Variants in SCFD2 observed in about 807,000 individuals in gnomAD.
The protein encoded by SCFD2 is sec1 family domain containing 2.
SCFD2 carries 54 observed loss-of-function variants against 58.9 expected under a neutral mutation model. That is an observed-to-expected ratio of 0.92 (90% CI 0.74 to 1.15). The LOEUF is 1.15. Ranked by LOEUF, SCFD2 falls within the 50% of genes most tolerant of loss-of-function variation. The probability of loss-of-function intolerance (pLI) is 0.00; values close to 1 mark genes in which losing one functional copy is unlikely to be tolerated. For missense variants in SCFD2, 805 were observed against 836.6 expected (o/e 0.96, Z 0.47); for synonymous variants, 321 against 335.9 (o/e 0.96, Z 0.49).
chr4:53,082,840 T>C (rs1378241034), intron 5 of SCFD2, among the ~76,000 whole-genome samples: 4 of 152,184 alleles, frequency 2.6e-5, no homozygotes, highest in African/African-American at 9.6e-5. Context: ...TTGACTTTCC[T>C]GGTTCTAGAG....
intron 3 of SCFD2, among the ~76,000 whole-genome samples, chr4:53,300,367 G>T (rs1732233545): frequency 6.6e-6 from 1 of 152,102 alleles, no homozygotes; most frequent in South Asian, 2.1e-4. Flanking sequence ...ATTACATAAG[G>T]CTAAAGGTAT....
chr4:53,024,624 A>C (rs1049036621), intron 5 of SCFD2, among the ~76,000 whole-genome samples: 12 of 152,192 alleles, frequency 7.9e-5, no homozygotes, highest in African/African-American at 1.2e-4. Flanking sequence ...ATTCTAAAAA[A>C]TAAAAATAAA....
intron 5 of SCFD2, among the ~76,000 whole-genome samples, chr4:52,984,494 T>C (rs2109572168): frequency 6.6e-6 from 1 of 152,324 alleles, no homozygotes; most frequent in South Asian, 2.1e-4. Context: ...TGGAATCAAA[T>C]GCTTTCCAAT....
At chr4:53,243,601 G>A (rs1397884122) in intron 4 of SCFD2, among the ~76,000 whole-genome samples, 1 of 151,884 alleles carries the variant, frequency 6.6e-6, no homozygotes, top group East Asian at 1.9e-4. Context: ...TTATCAACAT[G>A]AAGAGAGGAT....
intron 4 of SCFD2, among the ~76,000 whole-genome samples, chr4:53,146,821 T>C (rs1208198168): frequency 6.6e-6 from 1 of 152,210 alleles, no homozygotes; most frequent in East Asian, 1.9e-4. Flanking sequence ...TTATTAGTTA[T>C]TGTTAATCTC....
chr4:53,215,148 T>G (rs1432598181), intron 4 of SCFD2, among the ~76,000 whole-genome samples: 1 of 152,108 alleles, frequency 6.6e-6, no homozygotes, highest in East Asian at 1.9e-4. Flanking sequence ...TCTTTTTTGG[T>G]TCCATATGAA....
intron 5 of SCFD2, among the ~76,000 whole-genome samples, chr4:52,952,108 G>A (rs1185251941): frequency 6.6e-6 from 1 of 152,038 alleles, no homozygotes; most frequent in Non-Finnish European, 1.5e-5. Flanking sequence ...GGTAAGAGAA[G>A]CCTGGACTAG....
intron 2 of SCFD2, among the ~76,000 whole-genome samples, chr4:53,329,286 G>C (rs1384403903): frequency 6.6e-6 from 1 of 152,166 alleles, no homozygotes; most frequent in African/African-American, 2.4e-5. Flanking sequence ...TTCACCTCTG[G>C]GGGCAGGGCA....
At chr4:53,222,689 C>A (rs1019884849) in intron 4 of SCFD2, among the ~76,000 whole-genome samples, 26 of 151,800 alleles carry the variant, frequency 1.7e-4, no homozygotes, top group Admixed American at 1.5e-3. Flanking sequence ...AATTCTAGTT[C>A]TGGTTACCAT....
intron 5 of SCFD2, among the ~76,000 whole-genome samples, chr4:53,069,607 T>C (rs1424427041): frequency 1.3e-5 from 2 of 152,106 alleles, no homozygotes; most frequent in African/African-American, 4.8e-5. Context: ...TACTTTTGTT[T>C]ATCAATTTTC....
intron 5 of SCFD2, among the ~76,000 whole-genome samples, chr4:53,018,583 A>G (rs1197880432): frequency 6.6e-6 from 1 of 152,158 alleles, no homozygotes; most frequent in Admixed American, 6.6e-5. Flanking sequence ...AATCAATTCT[A>G]TGTCAGCAGG....
At chr4:53,364,024 T>G (rs532862756) in intron 1 of SCFD2, among the ~76,000 whole-genome samples, 1 of 152,166 alleles carries the variant, frequency 6.6e-6, no homozygotes, top group Non-Finnish European at 1.5e-5. Flanking sequence ...ATATATAGCA[T>G]CCACAAAAAA....
intron 5 of SCFD2, among the ~76,000 whole-genome samples, chr4:53,136,718 A>C (rs1560351776): frequency 6.6e-6 from 1 of 152,206 alleles, no homozygotes; most frequent in Non-Finnish European, 1.5e-5. Flanking sequence ...AAATCAGCAC[A>C]CAACTACTAA....
At chr4:53,330,459 G>C (rs1194935088) in intron 2 of SCFD2, among the ~76,000 whole-genome samples, 2 of 152,102 alleles carry the variant, frequency 1.3e-5, no homozygotes, top group African/African-American at 2.4e-5. Context: ...TTAAAGAAAA[G>C]AATTTTCAAC....
At chr4:52,960,590 A>G (rs1233633444) in intron 5 of SCFD2, among the ~76,000 whole-genome samples, 1 of 151,816 alleles carries the variant, frequency 6.6e-6, no homozygotes, top group Non-Finnish European at 1.5e-5. Flanking sequence ...GCTGGTCTCA[A>G]ACTCCCGACC....
intron 3 of SCFD2, among the ~76,000 whole-genome samples, chr4:53,297,792 C>G (rs1732096191): frequency 6.6e-6 from 1 of 152,114 alleles, no homozygotes; most frequent in Non-Finnish European, 1.5e-5. Flanking sequence ...GTGGCTGGTA[C>G]CAGTTGACCT....
intron 5 of SCFD2, among the ~76,000 whole-genome samples, chr4:53,144,910 T>C (rs1275591218): frequency 6.6e-6 from 1 of 152,100 alleles, no homozygotes; most frequent in Non-Finnish European, 1.5e-5. Flanking sequence ...CATGGCCTGT[T>C]AGGAACCGGG....
At chr4:53,282,543 T>C (rs6835821) in intron 3 of SCFD2, among the ~76,000 whole-genome samples, 15,013 of 152,164 alleles carry the variant, frequency 0.099, 1,113 homozygotes, top group South Asian at 0.21. Context: ...TCAGTGGTTT[T>C]TGGTATATTC....
chr4:53,214,481 T>C (rs533646094), intron 4 of SCFD2, among the ~76,000 whole-genome samples: 2 of 152,268 alleles, frequency 1.3e-5, no homozygotes, highest in East Asian at 3.9e-4. Context: ...TTCATATCCT[T>C]GGCCCACTTT....
Sources: allele counts gnomAD v4.1 joint callset (sites outside exome capture counted in the v4.1 genomes callset), GRCh38; gene constraint gnomAD v4.1.1; transcripts MANE v1.5; gene names NCBI Gene and HGNC (gene_info 2026-07-23, HGNC 2026-07-21).